Variants in SPIDR observed in about 807,000 individuals in gnomAD.
SPIDR encodes the protein DNA repair-scaffolding protein.
A neutral mutation model predicts 104.6 loss-of-function variants in SPIDR; 93 were observed. The ratio of observed to expected loss-of-function variants is 0.89; its 90% CI spans 0.75 to 1.06. The LOEUF (loss-of-function observed/expected upper bound fraction) is 1.06, where lower values mean the gene tolerates loss of function less well. Ranked by LOEUF, SPIDR falls within the 50% of genes least tolerant of loss-of-function variation. The pLI, the probability that SPIDR is intolerant of heterozygous loss-of-function variation, is 0.00. For synonymous variants in SPIDR, 431 were observed against 416.9 expected (o/e 1.03, Z -0.41); for missense variants, 1,154 against 1,111.2 (o/e 1.04, Z -0.55).
intron 8 of SPIDR, among the ~76,000 whole-genome samples, chr8:47,476,348 T>C (rs1198853755): frequency 1.3e-5 from 2 of 152,178 alleles, no homozygotes; most frequent in East Asian, 3.8e-4. Flanking sequence ...GAATTCCCTT[T>C]TCCACAGCTG....
chr8:47,474,448 A>G (rs1164532526), intron 8 of SPIDR, among the ~76,000 whole-genome samples: 1 of 152,190 alleles, frequency 6.6e-6, no homozygotes, highest in African/African-American at 2.4e-5. Flanking sequence ...GCCAGTGCCT[A>G]TTATTCTAGC....
intron 8 of SPIDR, among the ~76,000 whole-genome samples, chr8:47,530,378 A>C (rs1346630233): frequency 6.6e-6 from 1 of 152,050 alleles, no homozygotes; most frequent in East Asian, 1.9e-4. Flanking sequence ...TGGGAGGTGG[A>C]GGTTGCAGTG....
intron 10 of SPIDR, among the ~76,000 whole-genome samples, chr8:47,657,638 ACTATT>A (rs1180145414): frequency 6.6e-6 from 1 of 151,998 alleles, no homozygotes; most frequent in Non-Finnish European, 1.5e-5. Flanking sequence ...TATAGTTTAT[ACTATT>A]GGGGTAACTG....
chr8:47,273,245 A>G (rs1042757162), intron 1 of SPIDR, among the ~76,000 whole-genome samples: 4 of 152,218 alleles, frequency 2.6e-5, no homozygotes, highest in African/African-American at 4.8e-5. Flanking sequence ...ATAAATAGGG[A>G]TTCCCAAACC....
chr8:47,734,289 T>G (rs1005637340), intron 19 of SPIDR, among the ~76,000 whole-genome samples: 2 of 152,096 alleles, frequency 1.3e-5, no homozygotes, highest in African/African-American at 4.8e-5. Context: ...GGAACATCAC[T>G]TGGTGTCCCT....
intron 8 of SPIDR, among the ~76,000 whole-genome samples, chr8:47,487,022 G>C (rs1441018397): frequency 6.6e-6 from 1 of 152,086 alleles, no homozygotes; most frequent in African/African-American, 2.4e-5. Context: ...AATGTAAATG[G>C]GCTAAATGCT....
At chr8:47,492,363 A>T (rs117244414) in intron 8 of SPIDR, among the ~76,000 whole-genome samples, 3,941 of 151,946 alleles carry the variant, frequency 0.026, 278 homozygotes, top group Admixed American at 0.15. Context: ...TCCTCTACGG[A>T]GGGGTTGGTT....
chr8:47,437,071 G>C (rs1161577019), intron 7 of SPIDR, among the ~76,000 whole-genome samples: 1 of 152,114 alleles, frequency 6.6e-6, no homozygotes, highest in African/African-American at 2.4e-5. Context: ...ATAGTTACTG[G>C]AATACTGTCA....
intron 16 of SPIDR, among the ~76,000 whole-genome samples, chr8:47,725,881 CTAGG>C (rs942666210): frequency 1.3e-5 from 2 of 152,146 alleles, no homozygotes; most frequent in Non-Finnish European, 2.9e-5. Flanking sequence ...CATGGATATC[CTAGG>C]ATAAAAAGGA....
At position 47,713,571 on chromosome 8, in the gene SPIDR, G is replaced by C; in HGVS notation, c.2271G>C (p.Glu757Asp). 6.2e-7 allele frequency: 1 copy of C among 1,614,180 alleles called. No homozygotes were observed. Among genetic ancestry groups the C allele is most frequent in the Non-Finnish European group, 8.5e-7 (1 of 1,180,032 alleles). Reference protein sequence around the residue: ...LSVVSGASSCELPGPVMLDSL... With the variant: ...LSVVSGASSCDLPGPVMLDSL... ...TGGTCTCTGGTGCAAGTTCCTGTGA[G>C]CTGCCTGGCCCGGTGATGCTCGACA... Residue 757 changes from glutamate to aspartate, a missense_variant, in exon 16 of 20, where the codon GAG (glutamate) becomes GAC (aspartate). Physicochemically the swap from Glu to Asp is conservative, Grantham distance 45. Transcript: ENST00000297423.
intron 7 of SPIDR, among the ~76,000 whole-genome samples, chr8:47,422,259 C>G (rs560806568): frequency 6.6e-6 from 1 of 152,174 alleles, no homozygotes; most frequent in Non-Finnish European, 1.5e-5. Flanking sequence ...GGCTCCACCC[C>G]GTTTGAGCTT....
intron 8 of SPIDR, among the ~76,000 whole-genome samples, chr8:47,508,516 A>C (rs2081831785): frequency 6.6e-6 from 1 of 152,220 alleles, no homozygotes; most frequent in African/African-American, 2.4e-5. Context: ...GAACCTTTCA[A>C]ATCTTTGACA....
chr8:47,510,602 A>C (rs55806635), intron 8 of SPIDR, among the ~76,000 whole-genome samples: 63 of 152,304 alleles, frequency 4.1e-4, no homozygotes, highest in Admixed American at 1.7e-3. Context: ...GCAAAAAAAA[A>C]ACAAAATGTT....
intron 5 of SPIDR, among the ~76,000 whole-genome samples, chr8:47,376,881 T>G (rs188016792): frequency 2.6e-5 from 4 of 152,182 alleles, no homozygotes; most frequent in African/African-American, 9.7e-5. Context: ...AAACTATAGC[T>G]TACAGGCCAA....
At chr8:47,689,754 G>A (rs879611616) in intron 11 of SPIDR, among the ~76,000 whole-genome samples, 1 of 152,142 alleles carries the variant, frequency 6.6e-6, no homozygotes, top group Non-Finnish European at 1.5e-5. Context: ...GGTGGCATGG[G>A]AGCTCTGATG....
chr8:47,516,124 A>T (rs1402880510), intron 8 of SPIDR, among the ~76,000 whole-genome samples: 1 of 152,164 alleles, frequency 6.6e-6, no homozygotes, highest in Non-Finnish European at 1.5e-5. Flanking sequence ...CTGCTTTTTA[A>T]GACACAAAGT....
At chr8:47,690,037 A>G (rs1171684205) in intron 11 of SPIDR, among the ~76,000 whole-genome samples, 1 of 151,988 alleles carries the variant, frequency 6.6e-6, no homozygotes. Flanking sequence ...GTATCAGAGC[A>G]CACTTATAAT....
At chr8:47,298,886 G>A (rs1475248872) in intron 5 of SPIDR, among the ~76,000 whole-genome samples, 11 of 152,262 alleles carry the variant, frequency 7.2e-5, no homozygotes, top group Middle Eastern at 3.4e-3. Flanking sequence ...GTCAGGTAGC[G>A]TGATGCCTCC....
chr8:47,277,301 TTTATGTTATGTTTGTTATGTTATG>T (rs1395897530), intron 1 of SPIDR, among the ~76,000 whole-genome samples: 20 of 150,432 alleles, frequency 1.3e-4, no homozygotes, highest in African/African-American at 2.9e-4. Flanking sequence ...TTTATTTTAA[TTTATGTTATGTTTGTTATGTTATG>T]TTATGTTATG....
Sources: allele counts gnomAD v4.1 joint callset (sites outside exome capture counted in the v4.1 genomes callset), GRCh38; gene constraint gnomAD v4.1.1; transcripts MANE v1.5; gene names NCBI Gene and HGNC (gene_info 2026-07-23, HGNC 2026-07-21).